Variants in KCNQ5 observed in about 807,000 individuals in gnomAD.
KCNQ5 encodes potassium voltage-gated channel subfamily Q member 5.
KCNQ5 carries 30 observed loss-of-function variants against 98.2 expected under a neutral mutation model. The ratio of observed to expected loss-of-function variants is 0.31; its 90% CI spans 0.23 to 0.41. The LOEUF is 0.41. KCNQ5 is among the 10% of genes least tolerant of loss of function. The probability of loss-of-function intolerance (pLI) is 1.00; values close to 1 mark genes in which losing one functional copy is unlikely to be tolerated. For missense variants in KCNQ5, 835 were observed against 1,182.5 expected (o/e 0.71, Z 4.31); for synonymous variants, 458 against 449.4 (o/e 1.02, Z -0.24).
intron 3 of KCNQ5, among the ~76,000 whole-genome samples, chr6:73,054,234 A>G (rs1772363946): frequency 6.6e-6 from 1 of 152,178 alleles, no homozygotes; most frequent in Non-Finnish European, 1.5e-5. Context: ...GCCCGGGACC[A>G]GAGGGATTCA....
intron 3 of KCNQ5, chr6:73,055,049 T>C: frequency 1.7e-6 from 1 of 601,938 alleles, no homozygotes; most frequent in South Asian, 1.7e-5. Context: ...ACCAACAACA[T>C]CCAAGCTGAG....
chr6:72,685,709 A>G (rs573133806), intron 1 of KCNQ5, among the ~76,000 whole-genome samples: 1 of 152,234 alleles, frequency 6.6e-6, no homozygotes, highest in Non-Finnish European at 1.5e-5. Context: ...AATTTATTTA[A>G]CTGCCTTCAA....
intron 13 of KCNQ5, among the ~76,000 whole-genome samples, chr6:73,193,028 T>C (rs957587230): frequency 2.0e-5 from 3 of 149,438 alleles, no homozygotes; most frequent in Admixed American, 6.6e-5. Context: ...AATTTTTTTT[T>C]TTTTTTTTTT....
intron 1 of KCNQ5, among the ~76,000 whole-genome samples, chr6:72,827,015 T>C (rs1207885942): frequency 6.6e-6 from 1 of 152,186 alleles, no homozygotes; most frequent in Non-Finnish European, 1.5e-5. Context: ...CATAACGTAA[T>C]GTCCTCCAGT....
At chr6:72,763,524 A>G (rs745541470) in intron 1 of KCNQ5, among the ~76,000 whole-genome samples, 4 of 152,006 alleles carry the variant, frequency 2.6e-5, no homozygotes, top group Non-Finnish European at 5.9e-5. Flanking sequence ...GGTGCCCTTT[A>G]TTGTCTTAAG....
chr6:72,766,018 G>T (rs1350464096), intron 1 of KCNQ5, among the ~76,000 whole-genome samples: 1 of 152,042 alleles, frequency 6.6e-6, no homozygotes, highest in Non-Finnish European at 1.5e-5. Context: ...CAAAAGCAAA[G>T]AAACTGCCTT....
intron 1 of KCNQ5, among the ~76,000 whole-genome samples, chr6:72,658,206 A>G (rs1766294284): frequency 6.6e-6 from 1 of 152,208 alleles, no homozygotes; most frequent in Non-Finnish European, 1.5e-5. Context: ...TCTACAAATT[A>G]GATATTTATG....
chr6:72,826,752 T>A (rs1280299933), intron 1 of KCNQ5, among the ~76,000 whole-genome samples: 1 of 152,174 alleles, frequency 6.6e-6, no homozygotes, highest in African/African-American at 2.4e-5. Flanking sequence ...TCTAGCTATT[T>A]GAAACAATAT....
At chr6:73,070,045 T>C (rs1773235611) in intron 3 of KCNQ5, among the ~76,000 whole-genome samples, 1 of 152,056 alleles carries the variant, frequency 6.6e-6, no homozygotes, top group South Asian at 2.1e-4. Context: ...TCAACAAAAG[T>C]AAACCACTCA....
At chr6:72,686,727 T>G (rs1487144734) in intron 1 of KCNQ5, among the ~76,000 whole-genome samples, 1 of 150,912 alleles carries the variant, frequency 6.6e-6, no homozygotes, top group Non-Finnish European at 1.5e-5. Flanking sequence ...GTTTTTTTTT[T>G]TTTTTTTTTT....
chr6:72,960,026 G>A (rs936964435), intron 1 of KCNQ5, among the ~76,000 whole-genome samples: 2 of 152,184 alleles, frequency 1.3e-5, no homozygotes, highest in East Asian at 1.9e-4. Context: ...TTTGATACAC[G>A]CTATTTTGCG....
intron 10 of KCNQ5, among the ~76,000 whole-genome samples, chr6:73,166,557 T>C (rs964846604): frequency 6.6e-6 from 1 of 151,546 alleles, no homozygotes; most frequent in Non-Finnish European, 1.5e-5. Flanking sequence ...ATTATTGTCC[T>C]GGAGTAAAGA....
intron 2 of KCNQ5, among the ~76,000 whole-genome samples, chr6:73,024,381 T>TAGATTAGATAGATAGATAGATA (rs57909943): frequency 1.7e-5 from 2 of 120,548 alleles, no homozygotes; most frequent in Admixed American, 8.7e-5. Context: ...GATAGATAGA[T>TAGATTAGATAGATAGATAGATA]GATAGATAGA....
At chr6:73,114,170 C>T (rs920461075) in intron 7 of KCNQ5, among the ~76,000 whole-genome samples, 4 of 151,956 alleles carry the variant, frequency 2.6e-5, no homozygotes, top group African/African-American at 9.7e-5. Flanking sequence ...AGGCTTTAAG[C>T]CTTGATTATA....
intron 3 of KCNQ5, among the ~76,000 whole-genome samples, chr6:73,054,135 T>C (rs1772359555): frequency 6.6e-6 from 1 of 152,046 alleles, no homozygotes; most frequent in Non-Finnish European, 1.5e-5. Context: ...CCTTCCAAGA[T>C]TGAACCAGGA....
At chr6:72,975,254 CA>C (rs1171769187) in intron 1 of KCNQ5, among the ~76,000 whole-genome samples, 1 of 147,680 alleles carries the variant, frequency 6.8e-6, no homozygotes, top group Non-Finnish European at 1.5e-5. Context: ...TTTTTTTGGT[CA>C]CAAAAAAAAG....
At chr6:72,662,460 A>G (rs939504437) in intron 1 of KCNQ5, among the ~76,000 whole-genome samples, 2 of 152,188 alleles carry the variant, frequency 1.3e-5, no homozygotes, top group Non-Finnish European at 2.9e-5. Flanking sequence ...TTTTATTGAA[A>G]AGCAGATGTG....
At chr6:72,747,072 C>T (rs1771442701) in intron 1 of KCNQ5, among the ~76,000 whole-genome samples, 1 of 151,886 alleles carries the variant, frequency 6.6e-6, no homozygotes, top group African/African-American at 2.4e-5. Context: ...ACCTAAGGTC[C>T]AGAATTTGGA....
intron 1 of KCNQ5, among the ~76,000 whole-genome samples, chr6:72,740,667 G>A (rs923442389): frequency 1.3e-5 from 2 of 152,000 alleles, no homozygotes; most frequent in African/African-American, 4.8e-5. Flanking sequence ...GGTATCATAG[G>A]GTGAATGAAG....
Sources: gnomAD v4.1 joint callset for allele counts (sites outside exome capture counted in the v4.1 genomes callset) on GRCh38, gnomAD v4.1.1 for gene constraint, MANE v1.5 for transcripts, NCBI Gene and HGNC (gene_info 2026-07-23, HGNC 2026-07-21) for gene names.